The following PARD3B variants were observed in gnomAD, a reference collection of about 807,000 sequenced individuals.
The protein encoded by PARD3B is par-3 family cell polarity regulator beta, also known as partitioning defective 3 homolog B.
In PARD3B, 103 loss-of-function variants were observed where a neutral mutation model predicts 130.2. The observed-to-expected ratio is 0.79, with a 90% CI of 0.67 to 0.93. The LOEUF is 0.93. PARD3B is among the 40% of genes least tolerant of loss of function. PARD3B has a pLI of 0.00. For synonymous variants in PARD3B, 583 were observed against 553.2 expected, an observed-to-expected ratio of 1.05 and a Z score of -0.76; for missense variants, 1,609 against 1,499.2, an observed-to-expected ratio of 1.07 and a Z score of -1.21.
chr2:205,219,768 G>A (rs1355466397), intron 15 of PARD3B, among the ~76,000 whole-genome samples: 1 of 152,092 alleles, frequency 6.6e-6, no homozygotes, highest in Non-Finnish European at 1.5e-5. Context: ...TTCTGGGCTG[G>A]CTCATTAACT....
intron 1 of PARD3B, among the ~76,000 whole-genome samples, chr2:204,562,055 TACAC>T (rs2031351650): frequency 6.6e-6 from 1 of 152,048 alleles, no homozygotes. Flanking sequence ...AGTATCTACA[TACAC>T]ACACACATAC....
At position 204,906,077 on chromosome 2, in the gene PARD3B, A is replaced by G. The variant is rs931770953; in HGVS notation, c.223-59075A>G. On this transcript the variant is annotated intron_variant, in intron 2 of 22. Transcript: ENST00000406610. This position sits in a 1 kb window ranked among gnomAD's most constrained non-coding sequence, Gnocchi z 4.3. Reference sequence around the variant, plus strand: ...TGGGCTAGAGTAATTTTTGCTAAATAATGGCTTATTAAAGGGTTCCTGATG... The same window carrying G: ...TGGGCTAGAGTAATTTTTGCTAAATGATGGCTTATTAAAGGGTTCCTGATG... Among the ~76,000 whole-genome samples, 3 of 152,196 alleles carry G rather than the reference A, an allele frequency of 2.0e-5. No homozygotes were observed. Among genetic ancestry groups the G allele is most frequent in the African/African-American group, 7.2e-5 (3 of 41,464 alleles).
chr2:205,615,664 CA>C lies in PARD3B; in HGVS notation c.3471del (p.Asp1158ThrfsTer44). On this transcript the variant is annotated frameshift_variant, in exon 23 of 23. Transcript: ENST00000406610. LOFTEE classifies it high-confidence loss of function. ...TCCCCAGCACAAAGGACCCTTTCGA[CA>C]AGACGTTCCGCCTTCCCCTCCCCAG... ...PAPQHKGPFR[Q>X]DVPPSPPQHQ... The C allele has an allele frequency of 1.2e-6, 2 of 1,614,124 alleles. No homozygotes were observed. Among genetic ancestry groups the C allele is most frequent in the Non-Finnish European group, 1.7e-6 (2 of 1,180,016 alleles).
chr2:205,559,653 C>CA (rs1261446320), intron 22 of PARD3B, among the ~76,000 whole-genome samples: 5 of 140,344 alleles, frequency 3.6e-5, no homozygotes, highest in African/African-American at 1.3e-4. Flanking sequence ...GGCTGGAGTG[C>CA]AGTGGTGTGA....
chr2:204,949,247 G>T (rs529491383), intron 2 of PARD3B, among the ~76,000 whole-genome samples: 1 of 151,934 alleles, frequency 6.6e-6, no homozygotes, highest in Non-Finnish European at 1.5e-5. Context: ...TGTTCTAATT[G>T]GTATCTTTTT....
chr2:205,233,597 T>C (rs979672938), intron 15 of PARD3B, among the ~76,000 whole-genome samples: 9 of 152,272 alleles, frequency 5.9e-5, no homozygotes, highest in South Asian at 4.1e-4. Flanking sequence ...AGGGGAGACA[T>C]TGAAATACAG....
chr2:204,925,645 T>A (rs1687555256), intron 2 of PARD3B, among the ~76,000 whole-genome samples: 2 of 152,222 alleles, frequency 1.3e-5, no homozygotes, highest in African/African-American at 4.8e-5. Flanking sequence ...CAAGCAGACA[T>A]CAGACTTTTC....
chr2:204,827,871 A>G (rs2043647761), intron 2 of PARD3B, among the ~76,000 whole-genome samples: 1 of 152,222 alleles, frequency 6.6e-6, no homozygotes, highest in Admixed American at 6.5e-5. Flanking sequence ...ATCTGACTGG[A>G]TGACTGGCTG....
At chr2:204,608,447 C>T (rs2033807357) in intron 1 of PARD3B, among the ~76,000 whole-genome samples, 1 of 152,192 alleles carries the variant, frequency 6.6e-6, no homozygotes, top group African/African-American at 2.4e-5. Flanking sequence ...CGGAATAAAG[C>T]TGTGCAGCAT....
chr2:205,362,984 T>C (rs774264644), intron 18 of PARD3B, among the ~76,000 whole-genome samples: 24 of 99,094 alleles, frequency 2.4e-4, no homozygotes, highest in Non-Finnish European at 4.6e-4. Context: ...GGAGAAGTAG[T>C]CTTCCACCAA....
chr2:204,766,200 A>G (rs974971006), intron 2 of PARD3B, among the ~76,000 whole-genome samples: 2 of 152,176 alleles, frequency 1.3e-5, no homozygotes, highest in Non-Finnish European at 2.9e-5. Flanking sequence ...TATCTGGTCA[A>G]TACCCAACAA....
At chr2:205,357,843 C>T (rs1019259103) in intron 18 of PARD3B, among the ~76,000 whole-genome samples, 5 of 152,110 alleles carry the variant, frequency 3.3e-5, no homozygotes, top group Non-Finnish European at 1.5e-5. Flanking sequence ...GCAGAAGAAA[C>T]AGCAATAAAA....
At chr2:204,774,336 T>A (rs2041519381) in intron 2 of PARD3B, among the ~76,000 whole-genome samples, 1 of 152,106 alleles carries the variant, frequency 6.6e-6, no homozygotes, top group Non-Finnish European at 1.5e-5. Flanking sequence ...TCTCAGGACC[T>A]AATTTTTGCA....
At chr2:205,051,111 T>A (rs1044013746) in intron 4 of PARD3B, among the ~76,000 whole-genome samples, 2 of 152,136 alleles carry the variant, frequency 1.3e-5, no homozygotes, top group Non-Finnish European at 1.5e-5. Flanking sequence ...ACTGGTACCC[T>A]GCAGAGGAGG....
intron 20 of PARD3B, among the ~76,000 whole-genome samples, chr2:205,471,993 G>A (rs949551181): frequency 2.0e-5 from 3 of 152,156 alleles, no homozygotes; most frequent in Non-Finnish European, 2.9e-5. Context: ...ATAAAAAAGA[G>A]CAAGGCTGGT....
At chr2:204,547,450 G>T (rs16836332) in intron 1 of PARD3B, among the ~76,000 whole-genome samples, 2 of 152,158 alleles carry the variant, frequency 1.3e-5, no homozygotes, top group Non-Finnish European at 2.9e-5. Context: ...ATAAAGCTGT[G>T]TGAAAATCAA....
chr2:204,667,289 C>T (rs936295160), intron 1 of PARD3B, among the ~76,000 whole-genome samples: 1 of 152,108 alleles, frequency 6.6e-6, no homozygotes, highest in Non-Finnish European at 1.5e-5. Flanking sequence ...AGAAATCACC[C>T]AATACATGAT....
chr2:205,018,996 CATATT>C (rs1406484202), intron 3 of PARD3B, among the ~76,000 whole-genome samples: 4 of 152,124 alleles, frequency 2.6e-5, no homozygotes, highest in Admixed American at 2.6e-4. Flanking sequence ...TAATTCATAA[CATATT>C]GTTCACCTAC....
intron 22 of PARD3B, among the ~76,000 whole-genome samples, chr2:205,613,588 T>C (rs555878305): frequency 6.6e-6 from 1 of 152,324 alleles, no homozygotes; most frequent in South Asian, 2.1e-4. Flanking sequence ...CGATTTAAAA[T>C]ACAGCAAAGC....
Sources: gnomAD v4.1 joint callset for allele counts (sites outside exome capture counted in the v4.1 genomes callset) on GRCh38, gnomAD v4.1.1 for gene constraint, Gnocchi (gnomAD v3.1) non-coding constraint, MANE v1.5 for transcripts, NCBI Gene and HGNC (gene_info 2026-07-23, HGNC 2026-07-21) for gene names.